The following ERICH3 variants were observed in gnomAD, a reference collection of about 807,000 sequenced individuals.
The protein encoded by ERICH3 is glutamate rich 3, also known as glutamate-rich protein 3.
ERICH3 carries 126 observed loss-of-function variants against 131.1 expected under a neutral mutation model. The ratio of observed to expected loss-of-function variants is 0.96; its 90% CI spans 0.83 to 1.11. The LOEUF (loss-of-function observed/expected upper bound fraction) is 1.11, where lower values mean the gene tolerates loss of function less well. ERICH3 is among the 50% of genes most tolerant of loss of function. The pLI, the probability that ERICH3 is intolerant of heterozygous loss-of-function variation, is 0.00. For missense variants in ERICH3, 2,050 were observed against 1,810.7 expected (o/e 1.13, Z -2.40); for synonymous variants, 695 against 644.6 (o/e 1.08, Z -1.18).
chr1:74,573,855 CTCTT>C (rs1557660390), intron 13 of ERICH3, among the ~76,000 whole-genome samples: 2 of 152,134 alleles, frequency 1.3e-5, no homozygotes, highest in East Asian at 3.8e-4. Context: ...TCTTGGCTTC[CTCTT>C]TCTCTCTCTC....
At chr1:74,584,959 G>A (rs141284508) in intron 12 of ERICH3, among the ~76,000 whole-genome samples, 381 of 152,138 alleles carry the variant, frequency 2.5e-3, no homozygotes, top group African/African-American at 8.8e-3. Flanking sequence ...TGACAAAATT[G>A]CATTTCATTT....
chr1:74,651,192 A>T (rs1298018889), intron 1 of ERICH3, among the ~76,000 whole-genome samples: 4 of 152,134 alleles, frequency 2.6e-5, no homozygotes, highest in Non-Finnish European at 5.9e-5. Flanking sequence ...CATGGAGATG[A>T]TATAAGTGAC....
chr1:74,638,657 C>T (rs1482492406), intron 5 of ERICH3, among the ~76,000 whole-genome samples: 1 of 152,212 alleles, frequency 6.6e-6, no homozygotes, highest in African/African-American at 2.4e-5. Flanking sequence ...CATTTCCCAG[C>T]ATCCCTTGTA....
chr1:74,579,560 T>C (rs961984298), intron 12 of ERICH3: 71 of 985,278 alleles, frequency 7.2e-5, no homozygotes, highest in Non-Finnish European at 8.1e-5. Flanking sequence ...AAGAATGGGA[T>C]GCTGGCCTAA....
chr1:74,660,088 A>G (rs1250663163), intron 1 of ERICH3, among the ~76,000 whole-genome samples: 3 of 151,844 alleles, frequency 2.0e-5, no homozygotes, highest in African/African-American at 7.3e-5. Flanking sequence ...CATGCTACTC[A>G]TGCTATTCTT....
At position 74,612,750 on chromosome 1, in the gene ERICH3, G is replaced by A. The variant is rs1304589314; in HGVS notation, c.1060C>T (p.Leu354=). 6.3e-7 allele frequency: 1 copy of A among 1,599,346 alleles called. No individual in the cohort carries two copies. ...HGFPFSLTFF[L]NGMQVNRLSS... is the part of the protein sequence containing the mutation. ...AACCTGTTCACCTGCATCCCATTCA[G>A]GAAAAAGGTGAGACTGAAGGGGAAA... Residue 354 remains leucine (L), a synonymous_variant, in exon 9 of 15, where the codon CTG becomes TTG. Coordinates refer to ENST00000326665, the MANE Select transcript of ERICH3 (RefSeq NM_001002912.5).
At chr1:74,600,791 T>G (rs963814419) in intron 10 of ERICH3, among the ~76,000 whole-genome samples, 3 of 151,884 alleles carry the variant, frequency 2.0e-5, no homozygotes, top group Non-Finnish European at 2.9e-5. Flanking sequence ...CAAAAGGATC[T>G]CATGCAGAAC....
rs749577019 is a variant in ERICH3 at position 74,606,867 on chromosome 1, G to A, written c.1223C>T (p.Ser408Phe). The change falls in exon 10 of 15, where the codon TCT (serine) becomes TTT (phenylalanine). Residue 408 changes from serine to phenylalanine, a missense_variant. Transcript: ENST00000326665. The part of the protein sequence containing the change: ...IIAMGLDKKP[S>F]LPKSRKEKST... ...CTTTTCTTTCCTAGATTTCGGCAAA[G>A]ACGGTTTTTTGTCAAGGCCCATTGC... 9.9e-6 allele frequency: 16 copies of A among 1,611,748 alleles called. No individual in the cohort carries two copies. Among genetic ancestry groups the A allele is most frequent in the Non-Finnish European group, 1.4e-5 (16 of 1,179,064 alleles).
At chr1:74,634,717 C>A in intron 6 of ERICH3, 1 of 706,564 alleles carries the variant, frequency 1.4e-6, no homozygotes, top group Non-Finnish European at 2.6e-6. Flanking sequence ...GAGAGGAAAT[C>A]CTACTCATTG....
Position 74,571,853 on chromosome 1 carries a change from C to A in ERICH3, c.3857G>T (p.Arg1286Met). The change falls in exon 14 of 15, where the codon AGG becomes ATG. Residue 1286 changes from arginine to methionine, a missense_variant. Arg to Met is a moderately conservative substitution (Grantham distance 91). Transcript: ENST00000326665. ...EEDPIMAEKF[R>M]EEAVDEDPEE... ...TGGGTCCTCATCCACCGCTTCCTCC[C>A]TGAACTTTTCTGCCATTATGGGATC... is the stretch of plus-strand genomic sequence containing the variant. 1 of 1,612,150 alleles carries A rather than the reference C, an allele frequency of 6.2e-7. No homozygotes were observed. Among genetic ancestry groups the A allele is most frequent in the South Asian group, 1.1e-5 (1 of 91,086 alleles).
chr1:74,673,624 A>G lies in ERICH3; in HGVS notation c.-105T>C, dbSNP rs1282942966. ...AGTCGCGCTCGAGGGGTGGCTCCGC[A>G]CCGAGGTCCCCTGTGCGCGGGCACC... On this transcript the variant is annotated 5_prime_UTR_variant, in exon 1 of 15. Coordinates refer to ENST00000326665, the MANE Select transcript of ERICH3 (RefSeq NM_001002912.5). 7.5e-7 allele frequency: 1 copy of G among 1,333,846 alleles called. No homozygotes were observed. Among genetic ancestry groups the G allele is most frequent in the Non-Finnish European group, 1.0e-6 (1 of 968,328 alleles). 82.6% of individuals were successfully genotyped at this position (1,333,846 alleles called of 1,614,324 possible).
At chr1:74,673,913 A>C (rs973630609), upstream of ERICH3, among the ~76,000 whole-genome samples, 3 of 152,128 alleles carry the variant, frequency 2.0e-5, no homozygotes, top group African/African-American at 7.2e-5. Flanking sequence ...TTCCCCAGGT[A>C]TCTGTAACAT....
chr1:74,659,455 A>T (rs1334537728), intron 1 of ERICH3, among the ~76,000 whole-genome samples: 2 of 152,202 alleles, frequency 1.3e-5, no homozygotes, highest in African/African-American at 4.8e-5. Flanking sequence ...GTAGTCAGTC[A>T]GCATGCCTGC....
chr1:74,670,110 A>G (rs1054957354), intron 1 of ERICH3, among the ~76,000 whole-genome samples: 4 of 152,234 alleles, frequency 2.6e-5, no homozygotes, highest in Non-Finnish European at 5.9e-5. Flanking sequence ...GTGAATTTTA[A>G]GACATTTAGA....
intron 12 of ERICH3, chr1:74,577,356 C>A (rs1647083283): frequency 6.4e-6 from 1 of 155,122 alleles, no homozygotes; most frequent in African/African-American, 2.4e-5. Flanking sequence ...GCCCTTACTG[C>A]CACTTGTGTC....
intron 12 of ERICH3, among the ~76,000 whole-genome samples, chr1:74,582,697 T>C (rs1647200176): frequency 1.3e-5 from 2 of 152,188 alleles, no homozygotes; most frequent in South Asian, 4.1e-4. Context: ...GTTGATACTT[T>C]AATATCTACT....
chr1:74,636,460 T>A (rs775990285), intron 5 of ERICH3, 22 bp from the exon 6 acceptor site: 42 of 1,588,002 alleles, frequency 2.6e-5, no homozygotes, highest in Non-Finnish European at 3.5e-5. Context: ...GGGGAAAAAA[T>A]TCCATTTAAA....
At chr1:74,604,423 T>C (rs999314891) in intron 10 of ERICH3, among the ~76,000 whole-genome samples, 3 of 151,974 alleles carry the variant, frequency 2.0e-5, no homozygotes, top group Non-Finnish European at 4.4e-5. Flanking sequence ...ATGTTCTTAA[T>C]GGCATCTAGA....
chr1:74,652,319 A>G (rs1646542747), intron 1 of ERICH3, among the ~76,000 whole-genome samples: 1 of 152,058 alleles, frequency 6.6e-6, no homozygotes, highest in South Asian at 2.1e-4. Context: ...CTTTCCAGGG[A>G]GATGGTCAAA....
Sources: allele counts gnomAD v4.1 joint callset (sites outside exome capture counted in the v4.1 genomes callset), GRCh38; gene constraint gnomAD v4.1.1; transcripts MANE v1.5; gene names NCBI Gene and HGNC (gene_info 2026-07-23, HGNC 2026-07-21).